CFAP418: variants seen among roughly 807,000 people sequenced by gnomAD.
CFAP418 encodes cilia- and flagella-associated protein 418.
In CFAP418, 27 loss-of-function variants were observed where a neutral mutation model predicts 24.7. That is an observed-to-expected ratio of 1.09 (90% CI 0.81 to 1.51). The LOEUF is 1.51. Ranked by LOEUF, CFAP418 falls within the 40% of genes most tolerant of loss-of-function variation. The pLI is 0.00. For missense variants in CFAP418, 257 were observed against 255.2 expected (o/e 1.01, Z -0.05); for synonymous variants, 74 against 87.3 (o/e 0.85, Z 0.85).
At chr8:95,261,337 C>A (rs1811887965) in intron 2 of CFAP418, among the ~76,000 whole-genome samples, 2 of 152,152 alleles carry the variant, frequency 1.3e-5, no homozygotes, top group South Asian at 4.1e-4. Flanking sequence ...AATTTTGGTA[C>A]ATGTTTGAAA....
rs1811626836 is a variant in CFAP418, at chr8:95,246,694, C to T, written c.*923G>A. On this transcript the variant is annotated 3_prime_UTR_variant, in exon 6 of 6. Transcript: ENST00000286688. ...TCAGTGATGTCAGGAAGGAGCCCAA[C>T]AGGTTACCTGTTGGTTCAGTTATGC... 1 of 152,190 alleles carries T rather than the reference C, an allele frequency of 6.6e-6. No individual in the cohort carries two copies. The highest frequency in any genetic ancestry group is 2.4e-5 in the African/African-American group (1 of 41,438). 9.4% of individuals were successfully genotyped at this position (152,190 alleles called of 1,614,324 possible).
At chr8:95,249,061 A>G (rs1237800782) in intron 5 of CFAP418, among the ~76,000 whole-genome samples, 2 of 152,310 alleles carry the variant, frequency 1.3e-5, no homozygotes, top group South Asian at 2.1e-4. Context: ...ATTTTAACAG[A>G]AAGAAAAAAA....
chr8:95,255,105 C>A (rs28380532), intron 4 of CFAP418, among the ~76,000 whole-genome samples: 22,960 of 152,128 alleles, frequency 0.15, 1,873 homozygotes, highest in South Asian at 0.24. Flanking sequence ...TCCTGTCTTG[C>A]CCCTCCAACT....
chr8:95,253,032 G>A (rs1438951297), intron 4 of CFAP418, among the ~76,000 whole-genome samples: 6 of 151,522 alleles, frequency 4.0e-5, no homozygotes, highest in South Asian at 2.1e-4. Context: ...CAAAATGGCC[G>A]GGCGCGGTGG....
chr8:95,258,921 A>G (rs1271994264), intron 4 of CFAP418, among the ~76,000 whole-genome samples: 1 of 152,148 alleles, frequency 6.6e-6, no homozygotes, highest in Non-Finnish European at 1.5e-5. Context: ...GGAGTAGGCT[A>G]TATCATCTAG....
At chr8:95,261,548 A>G (rs1366700847) in intron 2 of CFAP418, among the ~76,000 whole-genome samples, 1 of 152,130 alleles carries the variant, frequency 6.6e-6, no homozygotes, top group Non-Finnish European at 1.5e-5. Flanking sequence ...GTCAGGGCAT[A>G]ATATAGCCTC....
intron 1 of CFAP418, among the ~76,000 whole-genome samples, chr8:95,265,611 A>G (rs1298192834): frequency 1.3e-5 from 2 of 152,138 alleles, no homozygotes. Context: ...GGCTTTCAGG[A>G]CATACTTTCC....
At position 95,246,122 on chromosome 8, in the gene CFAP418, G is replaced by A. The variant is rs1811617755; in HGVS notation, c.*1495C>T. ...TCCTGCCTCGGCCTCCCGAGTAGTT[G>A]GGATTACAGGCATGCACCACCGCGC... On this transcript the variant is annotated 3_prime_UTR_variant, in exon 6 of 6. Transcript: ENST00000286688. The A allele has an allele frequency of 6.6e-6, 1 of 151,994 alleles. No homozygotes were observed. The highest frequency in any genetic ancestry group is 2.4e-5 in the African/African-American group (1 of 41,374). 9.4% of individuals were successfully genotyped at this position (151,994 alleles called of 1,614,324 possible).
rs76698900 is a variant in CFAP418 at position 95,251,306 on chromosome 8, C to T, written c.470+882G>A. Among the ~76,000 whole-genome samples the T allele has an allele frequency of 8.8e-3, 1,335 of 152,286 alleles. 21 individuals are homozygous for T. Among genetic ancestry groups the T allele is most frequent in the African/African-American group, 0.031 (1,289 of 41,556 alleles). On this transcript the variant is annotated intron_variant, in intron 5 of 5. Coordinates refer to ENST00000286688, the MANE Select transcript of CFAP418 (RefSeq NM_177965.4). ...CATGGAAGACATGTGATGAATTATA[C>T]TCTGAAGGACAGGTAGGGTTTAGGT... is the stretch of plus-strand genomic sequence containing the variant.
intron 4 of CFAP418, among the ~76,000 whole-genome samples, chr8:95,253,582 TA>T (rs1169876608): frequency 6.6e-6 from 1 of 152,256 alleles, no homozygotes; most frequent in Admixed American, 6.5e-5. Context: ...TCTTTGAGAA[TA>T]AATGCTTTGT....
rs1160065833 is a variant in CFAP418 at position 95,245,304 on chromosome 8, T to G, written c.*2313A>C. ...TTAAAATAGTACAATATTAAAAAGC[T>G]TATAAATTGCCAATAAACATGGGAA... On this transcript the variant is annotated 3_prime_UTR_variant, in exon 6 of 6. Coordinates refer to ENST00000286688, the MANE Select transcript of CFAP418 (RefSeq NM_177965.4). The G allele has an allele frequency of 3.3e-5, 5 of 152,198 alleles. No homozygotes were observed. Among genetic ancestry groups the G allele is most frequent in the African/African-American group, 1.2e-4 (5 of 41,442 alleles). 9.4% of individuals were successfully genotyped at this position (152,198 alleles called of 1,614,324 possible). A position where few individuals can be genotyped will look rare whatever the true frequency, so the allele number is the denominator to read the frequency against.
At chr8:95,255,843 C>T (rs969742387) in intron 4 of CFAP418, among the ~76,000 whole-genome samples, 1 of 152,200 alleles carries the variant, frequency 6.6e-6, no homozygotes, top group East Asian at 1.9e-4. Flanking sequence ...GTATAAAGTA[C>T]TTCACACATA....
In CFAP418 at chr8:95,269,058, T is replaced by G. The variant is rs766864379; in HGVS notation, c.132A>C (p.Gln44His). 4.3e-6 allele frequency: 7 copies of G among 1,614,128 alleles called. No individual in the cohort carries two copies. Among genetic ancestry groups the G allele is most frequent in the Non-Finnish European group, 5.9e-6 (7 of 1,179,994 alleles). ...GGGTHSSDRN[Q>H]AKAKETLRST... ...ACCTGAGCGTCTCTTTCGCCTTGGC[T>G]TGGTTCCGGTCGCTACTGTGGGTGC... The change falls in exon 1 of 6, where the codon CAA (glutamine) becomes CAC (histidine). Residue 44 changes from glutamine (Q) to histidine (H), a missense_variant. Gln to His is a conservative substitution (Grantham distance 24, BLOSUM62 0). Transcript: ENST00000286688.
At chr8:95,268,976 A>C (rs1812087137) in intron 1 of CFAP418, 59 bp downstream of exon 1, 5 of 1,534,540 alleles carry the variant, frequency 3.3e-6, no homozygotes, top group African/African-American at 1.4e-5. Flanking sequence ...GCGGAGGGGC[A>C]GCTCTAGGGC....
intron 4 of CFAP418, among the ~76,000 whole-genome samples, chr8:95,252,732 G>A (rs1163151673): frequency 6.6e-6 from 1 of 152,190 alleles, no homozygotes; most frequent in Non-Finnish European, 1.5e-5. Context: ...TAAGCGCTGG[G>A]AAAAGATTGT....
rs1811591887 is a variant in CFAP418, at chr8:95,244,932, A to ATGTCCATCCAAATAAAATAAAATTT, written c.*2684_*2685insAAATTTTATTTTATTTGGATGGACA. The ATGTCCATCCAAATAAAATAAAATTT allele has an allele frequency of 6.6e-6, 1 of 152,160 alleles. No homozygotes were observed. Among genetic ancestry groups the ATGTCCATCCAAATAAAATAAAATTT allele is most frequent in the Admixed American group, 6.5e-5 (1 of 15,270 alleles). 9.4% of individuals were successfully genotyped at this position (152,160 alleles called of 1,614,324 possible). On this transcript the variant is annotated 3_prime_UTR_variant, in exon 6 of 6. Coordinates refer to ENST00000286688, the MANE Select transcript of CFAP418 (RefSeq NM_177965.4). Reference sequence around the variant, plus strand: ...TTCAAATTAATGTCCATCCAAATGAATATTTTACTATAAAATAAAAGAAGT... The same window carrying ATGTCCATCCAAATAAAATAAAATTT: ...TTCAAATTAATGTCCATCCAAATGAATGTCCATCCAAATAAAATAAAATTTTATTTTACTATAAAATAAAAGAAGT...
chr8:95,258,423 A>G (rs1343534776), intron 4 of CFAP418, among the ~76,000 whole-genome samples: 1 of 151,308 alleles, frequency 6.6e-6, no homozygotes, highest in Non-Finnish European at 1.5e-5. Flanking sequence ...ATGAAACAAT[A>G]GAAAAAAGCT....
At chr8:95,267,644 G>C (rs957279377) in intron 1 of CFAP418, among the ~76,000 whole-genome samples, 6 of 152,076 alleles carry the variant, frequency 3.9e-5, no homozygotes, top group African/African-American at 1.2e-4. Context: ...CAGGTGAACT[G>C]GATAGTAACA....
intron 1 of CFAP418, 194 bp downstream of exon 1, chr8:95,268,841 A>G (rs1157981322): frequency 1.4e-5 from 8 of 579,742 alleles, no homozygotes; most frequent in Non-Finnish European, 2.4e-5. Context: ...CGCTGAGTGA[A>G]GAGGTGCCAG....
Sources: gnomAD v4.1 joint callset for allele counts (sites outside exome capture counted in the v4.1 genomes callset) on GRCh38, gnomAD v4.1.1 for gene constraint, MANE v1.5 for transcripts, NCBI Gene and HGNC (gene_info 2026-07-23, HGNC 2026-07-21) for gene names.